Variants in MAN2A1 observed in about 807,000 individuals in gnomAD.
MAN2A1 encodes mannosidase alpha class 2A member 1.
Under a neutral mutation model 142.6 loss-of-function variants are expected in MAN2A1, and 76 were observed. The observed-to-expected ratio is 0.53, with a 90% CI of 0.44 to 0.65. The LOEUF is 0.65. Ranked by LOEUF, MAN2A1 falls within the 30% of genes least tolerant of loss-of-function variation. The pLI is 0.00. For missense variants in MAN2A1, 1,311 were observed against 1,365.1 expected (o/e 0.96, Z 0.62); for synonymous variants, 559 against 473.2 (o/e 1.18, Z -2.35).
intron 2 of MAN2A1, among the ~76,000 whole-genome samples, chr5:109,714,174 A>C (rs1219401601): frequency 7.6e-6 from 1 of 130,794 alleles, no homozygotes; most frequent in African/African-American, 3.2e-5. Context: ...AAGTAAGGTT[A>C]GACTTTTTTT....
intron 1 of MAN2A1, among the ~76,000 whole-genome samples, chr5:109,709,662 T>C (rs1287106988): frequency 6.6e-6 from 1 of 152,224 alleles, no homozygotes; most frequent in Non-Finnish European, 1.5e-5. Flanking sequence ...TACCTTGTGG[T>C]AGACTCTAAA....
intron 8 of MAN2A1, among the ~76,000 whole-genome samples, chr5:109,777,322 G>A (rs553920628): frequency 6.6e-6 from 1 of 152,096 alleles, no homozygotes; most frequent in South Asian, 2.1e-4. Flanking sequence ...TGGTTAATGA[G>A]GTTGAGTCTC....
chr5:109,834,639 A>G (rs1229914999), intron 16 of MAN2A1, among the ~76,000 whole-genome samples: 2 of 152,210 alleles, frequency 1.3e-5, no homozygotes, highest in Non-Finnish European at 2.9e-5. Context: ...TAGGTACACT[A>G]GTGCCTAACT....
intron 1 of MAN2A1, among the ~76,000 whole-genome samples, chr5:109,711,603 C>A (rs576789201): frequency 6.6e-6 from 1 of 152,188 alleles, no homozygotes; most frequent in East Asian, 1.9e-4. Flanking sequence ...TACTACTCGA[C>A]AGCTCTGAGG....
chr5:109,729,540 T>C (rs774176379), intron 4 of MAN2A1, 27 bp downstream of exon 4: 2 of 1,314,136 alleles, frequency 1.5e-6, no homozygotes, highest in Non-Finnish European at 2.0e-6. Context: ...TTTTGGAATT[T>C]GGTAATATTA....
chr5:109,787,110 TAGTC>T (rs1021363713), intron 10 of MAN2A1, among the ~76,000 whole-genome samples: 38 of 152,162 alleles, frequency 2.5e-4, no homozygotes, highest in African/African-American at 8.7e-4. Context: ...ATGTTTGTAA[TAGTC>T]AGCTTAAAAG....
intron 20 of MAN2A1, among the ~76,000 whole-genome samples, chr5:109,860,000 C>T (rs903552999): frequency 1.3e-5 from 2 of 148,834 alleles, no homozygotes; most frequent in Non-Finnish European, 3.0e-5. Context: ...TTGTGTTTAA[C>T]TGTTTCTTGC....
intron 16 of MAN2A1, among the ~76,000 whole-genome samples, chr5:109,833,293 CG>C (rs1198106776): frequency 1.3e-5 from 2 of 152,072 alleles, no homozygotes; most frequent in Admixed American, 6.5e-5. Context: ...GCTGCAATCT[CG>C]GCACTTTGGG....
Position 109,817,372 on chromosome 5 carries a change from A to G in MAN2A1, c.2043A>G (p.Lys681=). 1 of 1,614,004 alleles carries G rather than the reference A, an allele frequency of 6.2e-7. No homozygotes were observed. Among genetic ancestry groups the G allele is most frequent in the East Asian group, 2.2e-5 (1 of 44,876 alleles). The change falls in exon 13 of 22, where the codon AAA becomes AAG. Residue 681 remains lysine, a synonymous_variant. Transcript: ENST00000261483. The part of the protein sequence containing the change: ...PTVQVFSASG[K]PVEVQVSAVW... ...TGCAAGTGTTCTCTGCTTCAGGAAA[A>G]CCTGTGGAAGTTCAAGTCAGCGCAG...
chr5:109,790,360 T>A (rs926258517), intron 12 of MAN2A1, among the ~76,000 whole-genome samples: 12 of 151,944 alleles, frequency 7.9e-5, no homozygotes, highest in Non-Finnish European at 1.5e-4. Flanking sequence ...TTATAGTTGC[T>A]AGTAAAGTTG....
intron 1 of MAN2A1, among the ~76,000 whole-genome samples, chr5:109,694,131 A>G (rs891455774): frequency 1.3e-5 from 2 of 152,222 alleles, no homozygotes; most frequent in African/African-American, 2.4e-5. Context: ...TGTATAACAA[A>G]TGATCACTTT....
Position 109,729,466 on chromosome 5 carries a change from A to G in MAN2A1, c.660A>G (p.Ser220=). 1 of 1,594,982 alleles carries G rather than the reference A, an allele frequency of 6.3e-7. No homozygotes were observed. Among genetic ancestry groups the G allele is most frequent in the South Asian group, 1.1e-5 (1 of 87,684 alleles). ...KFIWSEISYL[S]KWWDIIDIQK... is the part of the protein sequence containing the mutation. ...TTTGGTCTGAGATCTCTTACCTTTC[A>G]AAGTGGTGGGATATTATAGATATTC... The change falls in exon 4 of 22, where the codon TCA becomes TCG. Residue 220 remains serine (S), a synonymous_variant. Transcript: ENST00000261483.
chr5:109,820,151 T>C (rs1266521870), intron 14 of MAN2A1, 69 bp from the exon 15 acceptor site: 2 of 1,351,696 alleles, frequency 1.5e-6, no homozygotes, highest in African/African-American at 1.5e-5. Context: ...GTCATATACA[T>C]AGAACCAGAT....
chr5:109,773,533 A>G (rs1221503621), intron 7 of MAN2A1, among the ~76,000 whole-genome samples: 4 of 152,062 alleles, frequency 2.6e-5, no homozygotes, highest in African/African-American at 4.8e-5. Context: ...AAGTAACCTA[A>G]AAGTGTTTTG....
chr5:109,698,914 C>A (rs17162081), intron 1 of MAN2A1, among the ~76,000 whole-genome samples: 56,852 of 151,940 alleles, frequency 0.37, 11,440 homozygotes, highest in African/African-American at 0.53. Flanking sequence ...CTGACCATTT[C>A]TTTATGTTCC....
chr5:109,861,957 G>A (rs771418575), intron 20 of MAN2A1, among the ~76,000 whole-genome samples: 9 of 152,222 alleles, frequency 5.9e-5, no homozygotes, highest in Non-Finnish European at 7.4e-5. Flanking sequence ...AGATTTTCTC[G>A]TATATTTACA....
At chr5:109,814,456 G>A (rs532487286) in intron 12 of MAN2A1, among the ~76,000 whole-genome samples, 2 of 152,116 alleles carry the variant, frequency 1.3e-5, no homozygotes, top group African/African-American at 4.8e-5. Flanking sequence ...TACTTAAAAT[G>A]TACATAGATA....
At chr5:109,839,638 C>A (rs1755147205) in intron 16 of MAN2A1, among the ~76,000 whole-genome samples, 1 of 149,854 alleles carries the variant, frequency 6.7e-6, no homozygotes, top group Admixed American at 6.7e-5. Flanking sequence ...ATAGTGAGGC[C>A]CTGTCTCTCT....
intron 15 of MAN2A1, among the ~76,000 whole-genome samples, chr5:109,820,952 A>G (rs1053533713): frequency 6.6e-6 from 1 of 152,216 alleles, no homozygotes; most frequent in African/African-American, 2.4e-5. Context: ...CAAAACCTCT[A>G]GCCGTATGGG....
Sources: gnomAD v4.1 joint callset for allele counts (sites outside exome capture counted in the v4.1 genomes callset) on GRCh38, gnomAD v4.1.1 for gene constraint, MANE v1.5 for transcripts, NCBI Gene and HGNC (gene_info 2026-07-23, HGNC 2026-07-21) for gene names.